Variants in PSG4 observed in about 807,000 individuals in gnomAD.
The protein encoded by PSG4 is pregnancy-specific beta-1-glycoprotein 4.
PSG4 carries 61 observed loss-of-function variants against 44.3 expected under a neutral mutation model. The ratio of observed to expected loss-of-function variants is 1.38; its 90% CI spans 1.12 to 1.70. The LOEUF (loss-of-function observed/expected upper bound fraction) is 1.70. PSG4 is among the 40% of genes most tolerant of loss of function. The pLI is 0.00. For missense variants in PSG4, 677 were observed against 511.7 expected, an observed-to-expected ratio of 1.32 and a Z score of -3.12; for synonymous variants, 248 against 191.3, an observed-to-expected ratio of 1.30 and a Z score of -2.45.
At chr19:43,204,977 T>G in intron 1 of PSG4, 1 of 251,056 alleles carries the variant, frequency 4.0e-6, no homozygotes, top group Non-Finnish European at 7.5e-6. Flanking sequence ...ACAGAACACT[T>G]AAGATTTTCC....
rs141832978 is a variant in PSG4, at chr19:43,194,344, G to A, written c.1239C>T (p.Val413=). 6.1e-4 allele frequency: 983 copies of A among 1,612,304 alleles called. 36 individuals are homozygous for A. The African/African-American group carries it at 0.012, about 19-fold the overall frequency. ...AGGATGCTGGGATCCACTTACCAGA[G>A]ACTTTGACTGTGATGGATTTGGAGC... ...KESSKSITVK[V]SDWILP is the part of the protein sequence containing the mutation. The change falls in exon 5 of 6, where the codon GTC becomes GTT. Residue 413 remains valine (V), a synonymous_variant. Coordinates refer to ENST00000405312, the MANE Select transcript of PSG4 (RefSeq NM_002780.5).
Position 43,202,609 on chromosome 19 carries a change from A to G in PSG4, c.430+1277T>C, listed in dbSNP as rs956744253. 3.5e-5 allele frequency among the ~76,000 whole-genome samples: 5 copies of G among 144,278 alleles called. 2 individuals are homozygous for G. Among genetic ancestry groups the G allele is most frequent in the African/African-American group, 1.3e-4 (5 of 37,296 alleles). The allele number at this position is 144,278 out of a possible 152,430, so 94.7% of individuals were successfully genotyped here. On this transcript the variant is annotated intron_variant, in intron 2 of 5. Transcript: ENST00000405312. ...CAGGGTGTGAGTGGGGAAAGAAAAC[A>G]AGGTCCTCTCCTTGATCTTCTCATG... is the stretch of plus-strand genomic sequence containing the variant.
Position 43,195,143 on chromosome 19 carries a change from G to A in PSG4, c.840C>T (p.Leu280=). ...TYIWWLNGQS[L]PVSPRVKRPI... is the part of the protein sequence containing the mutation. Reference sequence around the variant, plus strand: ...GTCGCTTTACCCTGGGACTGACAGGGAGGCTCTGACCATTTAGCCACCAAA... The same window carrying A: ...GTCGCTTTACCCTGGGACTGACAGGAAGGCTCTGACCATTTAGCCACCAAA... The change falls in exon 4 of 6, where the codon CTC becomes CTT. Residue 280 remains leucine (L), a synonymous_variant. Transcript: ENST00000405312. The A allele has an allele frequency of 6.2e-7, 1 of 1,610,442 alleles. No individual in the cohort carries two copies. Among genetic ancestry groups the A allele is most frequent in the Non-Finnish European group, 8.5e-7 (1 of 1,179,034 alleles).
chr19:43,201,819 TTGTG>T lies in PSG4; in HGVS notation c.430+2063_430+2066del, dbSNP rs57230870. Among the ~76,000 whole-genome samples the T allele has an allele frequency of 1.4e-4, 19 of 139,430 alleles. 1 individual carries two copies. The highest frequency in any genetic ancestry group is 4.5e-4 in the South Asian group (2 of 4,420). 91.5% of individuals were successfully genotyped at this position (139,430 alleles called of 152,430 possible). ...ACTAGAAACCAACATTTCAATAATTTTGTGTGTGTGTGTGTGTGTGTGCAGAAGG... is the reference window on the plus strand; with the variant it reads ...ACTAGAAACCAACATTTCAATAATTTTGTGTGTGTGTGTGTGTGCAGAAGG... On this transcript the variant is annotated intron_variant, in intron 2 of 5. Coordinates refer to ENST00000405312, the MANE Select transcript of PSG4 (RefSeq NM_002780.5).
In PSG4 at chr19:43,194,958, TGGTGTCCTGGCCCACAGA is replaced by T. The variant is rs1967171494; in HGVS notation, c.988+19_988+36del. On this transcript the variant is annotated intron_variant, in intron 4 of 5. Coordinates refer to ENST00000405312, the MANE Select transcript of PSG4 (RefSeq NM_002780.5). ...GGCCTCTGGTGGTTTGGATTTAAGCTGGTGTCCTGGCCCACAGAGGAACAAAAGATACTCACAGAGGAC... is the reference window on the plus strand; with the variant it reads ...GGCCTCTGGTGGTTTGGATTTAAGCTGGAACAAAAGATACTCACAGAGGAC... 6.2e-7 allele frequency: 1 copy of T among 1,603,470 alleles called. No homozygotes were observed. Among genetic ancestry groups the T allele is most frequent in the South Asian group, 1.1e-5 (1 of 89,826 alleles).
chr19:43,204,302 GA>G lies in PSG4; in HGVS notation c.65-52del. ...AATATTGAGACCTATGTATTGGGGT[GA>G]AAAGATGGGTCCTGAGAAGGTCTCT... On this transcript the variant is annotated intron_variant, in intron 1 of 5. Coordinates refer to ENST00000405312, the MANE Select transcript of PSG4 (RefSeq NM_002780.5). 3 of 1,496,608 alleles carry G rather than the reference GA, an allele frequency of 2.0e-6. 1 individual carries two copies. Among genetic ancestry groups the G allele is most frequent in the Non-Finnish European group, 2.7e-6 (3 of 1,118,986 alleles). 92.7% of individuals were successfully genotyped at this position (1,496,608 alleles called of 1,614,324 possible).
At position 43,197,987 on chromosome 19, in the gene PSG4, G is replaced by A. The variant is rs758921542; in HGVS notation, c.709+10C>T. Reference sequence around the variant, plus strand: ...GCAGCCTGGCTCACAGAGGAACAGAGGATACTCACGGAGGAGATTCAGGGT... The same window carrying A: ...GCAGCCTGGCTCACAGAGGAACAGAAGATACTCACGGAGGAGATTCAGGGT... On this transcript the variant is annotated intron_variant, in intron 3 of 5. Transcript: ENST00000405312. 5.8e-5 allele frequency: 92 copies of A among 1,587,612 alleles called. 8 individuals are homozygous for A. Among genetic ancestry groups the A allele is most frequent in the Middle Eastern group, 3.3e-4 (2 of 5,986 alleles).
intron 3 of PSG4, among the ~76,000 whole-genome samples, chr19:43,195,935 G>A (rs1403793355): frequency 2.0e-5 from 3 of 150,500 alleles, no homozygotes; most frequent in Non-Finnish European, 3.0e-5. Context: ...AGAGTGCAAG[G>A]AATGATCTAG....
At chr19:43,198,367 C>G (rs1967352521) in intron 2 of PSG4, 92 bp from the exon 3 acceptor site, 1 of 1,498,948 alleles carries the variant, frequency 6.7e-7, no homozygotes, top group Non-Finnish European at 8.9e-7. Flanking sequence ...TCCCACCTCT[C>G]AGCCCACCCA....
intron 4 of PSG4, 35 bp from the exon 5 acceptor site, chr19:43,194,629 A>G (rs1967154707): frequency 1.3e-6 from 2 of 1,586,492 alleles, no homozygotes; most frequent in East Asian, 2.2e-5. Context: ...AGGTGATGTC[A>G]TCCGAGGGAA....
chr19:43,194,558 G>A lies in PSG4; in HGVS notation c.1025C>T (p.Thr342Ile). ...GAGGTTTTCTCCTGAACGGTAATAG[G>A]TGAATGAAGGGTAAATGCTGGGGAG... ...PDLPSIYPSF[T>I]YYRSGENLYL... Residue 342 changes from threonine to isoleucine, a missense_variant, in exon 5 of 6, where the codon ACC becomes ATC. Physicochemically the swap from Thr to Ile is moderately conservative, Grantham distance 89. Transcript: ENST00000405312. 8.1e-6 allele frequency: 13 copies of A among 1,612,346 alleles called. No individual in the cohort carries two copies. Among genetic ancestry groups the A allele is most frequent in the South Asian group, 2.2e-5 (2 of 91,014 alleles).
At position 43,204,340 on chromosome 19, in the gene PSG4, C is replaced by T. The variant is rs1473308316; in HGVS notation, c.65-89G>A. On this transcript the variant is annotated intron_variant, in intron 1 of 5. Transcript: ENST00000405312. ...CTGAGAAGGTCTCTTCAATCCTCAG[C>T]CTTGAAGACACACAAACACACACAT... The T allele has an allele frequency of 2.6e-5, 36 of 1,393,000 alleles. 1 individual carries two copies. The South Asian group carries it at 5.0e-4, about 19-fold the overall frequency. The allele number at this position is 1,393,000 out of a possible 1,614,324, so 86.3% of individuals were successfully genotyped here.
At chr19:43,201,306 A>G (rs1263713149) in intron 2 of PSG4, among the ~76,000 whole-genome samples, 1 of 145,648 alleles carries the variant, frequency 6.9e-6, no homozygotes, top group Non-Finnish European at 1.5e-5. Flanking sequence ...GGCCTTTGTC[A>G]AACTAGTGAA....
At chr19:43,203,356 TG>T (rs1416287097) in intron 2 of PSG4, 1 of 152,108 alleles carries the variant, frequency 6.6e-6, no homozygotes, top group African/African-American at 2.6e-5. Context: ...GAGCCCTGGC[TG>T]GTGAACAGCT....
In PSG4 at chr19:43,199,584, T is replaced by A. The variant is rs574418172; in HGVS notation, c.431-1309A>T. ...GCACTTCTTTTTAGCATCACATCAG[T>A]GGTCAGAAGGGTTGAGTTTTGAGCA... On this transcript the variant is annotated intron_variant, in intron 2 of 5. Transcript: ENST00000405312. Among the ~76,000 whole-genome samples the A allele has an allele frequency of 9.5e-4, 138 of 145,602 alleles. 9 individuals are homozygous for A. Among genetic ancestry groups the A allele is most frequent in the Non-Finnish European group, 1.2e-3 (78 of 67,178 alleles).
chr19:43,195,928 G>A (rs1479748115), intron 3 of PSG4, among the ~76,000 whole-genome samples: 1 of 150,582 alleles, frequency 6.6e-6, no homozygotes, highest in South Asian at 2.1e-4. Flanking sequence ...ATAGAGCAGA[G>A]TGCAAGGAAT....
At chr19:43,204,431 C>G in intron 1 of PSG4, 180 bp from the exon 2 acceptor site, 1 of 876,592 alleles carries the variant, frequency 1.1e-6, no homozygotes, top group Admixed American at 3.1e-5. Context: ...CCCACTAGGT[C>G]AAGATCAGCA....
intron 5 of PSG4, chr19:43,194,131 C>T (rs531183729): frequency 5.7e-6 from 8 of 1,410,970 alleles, no homozygotes; most frequent in South Asian, 1.4e-5. Context: ...CCTGCTTGGT[C>T]TAGGCTGGGA....
chr19:43,194,704 C>G, intron 4 of PSG4, 110 bp from the exon 5 acceptor site: 1 of 1,490,030 alleles, frequency 6.7e-7, no homozygotes, highest in Non-Finnish European at 9.0e-7. Context: ...CCTTCAAGTC[C>G]CAGCCAAACT....
Sources: gnomAD v4.1 joint callset for allele counts (sites outside exome capture counted in the v4.1 genomes callset) on GRCh38, gnomAD v4.1.1 for gene constraint, MANE v1.5 for transcripts, NCBI Gene and HGNC (gene_info 2026-07-23, HGNC 2026-07-21) for gene names.